The following ERC2 variants were observed in gnomAD, a reference collection of about 807,000 sequenced individuals.
ERC2 encodes the protein ERC protein 2.
A neutral mutation model predicts 114.8 loss-of-function variants in ERC2; 42 were observed. The observed-to-expected ratio is 0.37, with a 90% confidence interval of 0.29 to 0.47. ERC2 has a LOEUF of 0.47. Ranked by LOEUF, ERC2 falls within the 20% of genes least tolerant of loss-of-function variation. ERC2 has a pLI of 0.99. For missense variants in ERC2, 939 were observed against 1,150.7 expected (o/e 0.82, Z 2.66); for synonymous variants, 454 against 425.5 (o/e 1.07, Z -0.82).
rs536028871 is a variant in ERC2, at chr3:55,807,297, T to C, written c.2565-72379A>G. 7.2e-5 allele frequency among the ~76,000 whole-genome samples: 11 copies of C among 152,344 alleles called. No individual in the cohort carries two copies. The South Asian group carries it at 2.3e-3, about 32-fold the overall frequency. On this transcript the variant is annotated intron_variant, in intron 14 of 17. Transcript: ENST00000288221. ...TACAGTTGATATGGCTGTGAGACTATGTTCGTGCCAATATAATTGAGAAGT... is the reference window on the plus strand; with the variant it reads ...TACAGTTGATATGGCTGTGAGACTACGTTCGTGCCAATATAATTGAGAAGT...
intron 17 of ERC2, among the ~76,000 whole-genome samples, chr3:55,648,376 A>T (rs1489859423): frequency 6.6e-6 from 1 of 152,216 alleles, no homozygotes; most frequent in Non-Finnish European, 1.5e-5. Context: ...ATTAGCAGAC[A>T]TCTTAACAGT....
intron 14 of ERC2, among the ~76,000 whole-genome samples, chr3:55,872,766 C>A (rs539523361): frequency 2.6e-5 from 4 of 152,264 alleles, no homozygotes; most frequent in African/African-American, 9.6e-5. Context: ...GGCCCCTCTG[C>A]CTCCAGAGGT....
rs2062095505 is a variant in ERC2 at position 55,682,316 on chromosome 3, G to C, written c.*39+1478C>G. ...TTTGCATCTGGAAGTGTTAATTCCA[G>C]TGCCGTTTTCCCCTTTGCCAAGAAA... On this transcript the variant is annotated intron_variant, in intron 17 of 17. Transcript: ENST00000288221. Among the ~76,000 whole-genome samples, 3 of 152,108 alleles carry C rather than the reference G, an allele frequency of 2.0e-5. No homozygotes were observed. The South Asian group carries it at 6.2e-4, about 32-fold the overall frequency.
chr3:56,184,286 G>A, intron 3 of ERC2, among the ~76,000 whole-genome samples: 1 of 152,118 alleles, frequency 6.6e-6, no homozygotes, highest in Non-Finnish European at 1.5e-5. Flanking sequence ...TAGTTATGTA[G>A]TTCAATAATT....
chr3:56,111,376 TCTCTCCCTCAAC>T (rs1205370985), intron 6 of ERC2, among the ~76,000 whole-genome samples: 2 of 151,264 alleles, frequency 1.3e-5, no homozygotes, highest in Non-Finnish European at 3.0e-5. Context: ...TCTCTCCCTC[TCTCTCCCTCAAC>T]CTCTCCCTCT....
At position 55,733,550 on chromosome 3, in the gene ERC2, A is replaced by T. The variant is rs1339014323; in HGVS notation, c.2712+1221T>A. Among the ~76,000 whole-genome samples the T allele has an allele frequency of 2.6e-3, 356 of 136,758 alleles. 5 individuals carry two copies. The highest frequency in any genetic ancestry group is 0.01 in the African/African-American group (346 of 33,614). The allele number at this position is 136,758 out of a possible 152,430, so 89.7% of individuals were successfully genotyped here. On this transcript the variant is annotated intron_variant, in intron 15 of 17. Transcript: ENST00000288221. Reference sequence around the variant, plus strand: ...CATTCTTTCTCTCTCTCTCACACACACACACACACACACACACACACACAC... The same window carrying T: ...CATTCTTTCTCTCTCTCTCACACACTCACACACACACACACACACACACAC...
At position 55,894,059 on chromosome 3, in the gene ERC2, G is replaced by T. The variant is rs2063734787; in HGVS notation, c.2404-5510C>A. ...ACACAAGAGGCGGAGCAGCGTAGTG[G>T]CTTAGAAACATAATTCAGGAGCTAG... On this transcript the variant is annotated intron_variant, in intron 13 of 17. Coordinates refer to ENST00000288221, the MANE Select transcript of ERC2 (RefSeq NM_015576.3). 2.6e-5 allele frequency among the ~76,000 whole-genome samples: 4 copies of T among 152,034 alleles called. 1 individual carries two copies. The highest frequency in any genetic ancestry group is 2.6e-4 in the Admixed American group (4 of 15,274).
intron 17 of ERC2, among the ~76,000 whole-genome samples, chr3:55,592,346 C>T (rs1186934990): frequency 1.3e-4 from 20 of 152,178 alleles, no homozygotes; most frequent in Admixed American, 1.3e-3. Flanking sequence ...GGATTCCACC[C>T]TTTCTAGGCC....
chr3:55,739,007 A>G (rs843799), intron 14 of ERC2, among the ~76,000 whole-genome samples: 125,367 of 151,996 alleles, frequency 0.82, 52,219 homozygotes, highest in African/African-American at 0.94. Flanking sequence ...GAGAACATGC[A>G]GTGTTTGGTT....
chr3:56,122,147 C>T (rs1042661928), intron 6 of ERC2, among the ~76,000 whole-genome samples: 8 of 152,132 alleles, frequency 5.3e-5, no homozygotes, highest in East Asian at 1.9e-4. Flanking sequence ...AACTAAAGCA[C>T]GGTATGTGGA....
intron 16 of ERC2, among the ~76,000 whole-genome samples, chr3:55,687,868 G>A (rs17055746): frequency 0.018 from 2,718 of 152,354 alleles, 100 homozygotes; most frequent in African/African-American, 0.063. Context: ...AGACACATCT[G>A]TAAAGGAAAA....
chr3:55,553,836 C>A (rs2055409421), intron 17 of ERC2, among the ~76,000 whole-genome samples: 1 of 152,026 alleles, frequency 6.6e-6, no homozygotes. Context: ...GCATCGGCAT[C>A]ATTCAAGTCT....
chr3:55,901,264 C>T (rs1371978708), intron 13 of ERC2, among the ~76,000 whole-genome samples: 1 of 152,128 alleles, frequency 6.6e-6, no homozygotes, highest in East Asian at 1.9e-4. Context: ...CATTATTGTA[C>T]AATAAATTAT....
At chr3:56,447,970 T>G (rs1287150259) in intron 1 of ERC2, among the ~76,000 whole-genome samples, 1 of 152,188 alleles carries the variant, frequency 6.6e-6, no homozygotes, top group Admixed American at 6.5e-5. Context: ...CTCGAACTCC[T>G]GACCTCAAGT....
intron 3 of ERC2, among the ~76,000 whole-genome samples, chr3:56,245,719 T>C (rs2051646967): frequency 6.6e-6 from 1 of 152,012 alleles, no homozygotes; most frequent in Admixed American, 6.6e-5. Flanking sequence ...AATTTTTGTA[T>C]TTTTAGTGGA....
At chr3:56,429,986 A>G (rs928641955) in intron 2 of ERC2, among the ~76,000 whole-genome samples, 2 of 152,214 alleles carry the variant, frequency 1.3e-5, no homozygotes, top group East Asian at 3.9e-4. Flanking sequence ...AACGCTGCAT[A>G]TAAGAAGGAA....
intron 2 of ERC2, among the ~76,000 whole-genome samples, chr3:56,423,872 T>C (rs1170402871): frequency 1.3e-5 from 2 of 152,236 alleles, no homozygotes; most frequent in East Asian, 3.8e-4. Context: ...TACAATTTTC[T>C]ATGTTCCTGC....
intron 2 of ERC2, among the ~76,000 whole-genome samples, chr3:56,320,169 G>A (rs529950438): frequency 6.6e-5 from 10 of 152,172 alleles, no homozygotes; most frequent in Admixed American, 6.5e-5. Flanking sequence ...ATTGATTACA[G>A]ATACACAGTA....
Position 55,645,265 on chromosome 3 carries a change from A to C in ERC2, c.*39+38529T>G, listed in dbSNP as rs536988950. ...TGATTTATTTGGCCCATGTCTTCCC[A>C]ATCAGGTTGTGTGAGGGCACCACGT... On this transcript the variant is annotated intron_variant, in intron 17 of 17. Coordinates refer to ENST00000288221, the MANE Select transcript of ERC2 (RefSeq NM_015576.3). Among the ~76,000 whole-genome samples the C allele has an allele frequency of 3.9e-5, 6 of 152,332 alleles. No individual in the cohort carries two copies. In the South Asian group the frequency reaches 8.3e-4, roughly 21 times the overall value.
Sources: gnomAD v4.1 joint callset for allele counts (sites outside exome capture counted in the v4.1 genomes callset) on GRCh38, gnomAD v4.1.1 for gene constraint, MANE v1.5 for transcripts, NCBI Gene and HGNC (gene_info 2026-07-23, HGNC 2026-07-21) for gene names.